The following SLIT3 variants were observed in gnomAD, a reference collection of about 807,000 sequenced individuals.
The protein encoded by SLIT3 is slit homolog 3 protein.
SLIT3 carries 68 observed loss-of-function variants against 184.0 expected under a neutral mutation model. The ratio of observed to expected loss-of-function variants is 0.37; its 90% CI spans 0.30 to 0.45. The LOEUF is 0.45. SLIT3 is among the 20% of genes least tolerant of loss of function. SLIT3 has a pLI of 1.00. For missense variants in SLIT3, 1,707 were observed against 2,026.0 expected (o/e 0.84, Z 3.02); for synonymous variants, 831 against 828.6 (o/e 1.00, Z -0.05).
At chr5:169,034,644 A>C (rs573602406) in intron 4 of SLIT3, among the ~76,000 whole-genome samples, 1 of 152,126 alleles carries the variant, frequency 6.6e-6, no homozygotes, top group Admixed American at 6.5e-5. Context: ...AATCACCTGG[A>C]GTGTTTCTAA....
At chr5:168,805,581 G>A (rs1045182003) in intron 9 of SLIT3, among the ~76,000 whole-genome samples, 4 of 152,130 alleles carry the variant, frequency 2.6e-5, no homozygotes, top group African/African-American at 9.7e-5. Context: ...TGAGATACTG[G>A]CCATTTTCTA....
chr5:169,244,746 G>C lies in SLIT3; in HGVS notation c.300C>G (p.Ile100Met), dbSNP rs1295246785. 3 of 1,613,916 alleles carry C rather than the reference G, an allele frequency of 1.9e-6. No individual in the cohort carries two copies. The South Asian group carries it at 3.3e-5, about 18-fold the overall frequency. The change falls in exon 3 of 36, where the codon ATC (isoleucine) becomes ATG (methionine). Residue 100 changes from isoleucine to methionine, a missense_variant. Coordinates refer to ENST00000519560, the MANE Select transcript of SLIT3 (RefSeq NM_003062.4). ...TCAGGTCCTGGAAGGCGCCTCTCTC[G>C]ATGACGCTGACCTGGTTGTCTTCCA... ...LHLEDNQVSV[I>M]ERGAFQDLKQ...
chr5:168,723,025 G>A (rs1029875997), intron 21 of SLIT3, 21 bp from the exon 22 acceptor site: 1 of 1,600,710 alleles, frequency 6.2e-7, no homozygotes, highest in Non-Finnish European at 8.6e-7. Context: ...TAAAACAGAG[G>A]GGTCATGCTT....
chr5:168,868,104 C>A lies in SLIT3; in HGVS notation c.485+15161G>T, dbSNP rs182581235. Reference sequence around the variant, plus strand: ...AGAGAAAATCCCAAGACTACCAAACCAAACCCCAAAACTCCTTCTCCTCTA... The same window carrying A: ...AGAGAAAATCCCAAGACTACCAAACAAAACCCCAAAACTCCTTCTCCTCTA... On this transcript the variant is annotated intron_variant, in intron 5 of 35. Transcript: ENST00000519560. 6.6e-5 allele frequency among the ~76,000 whole-genome samples: 10 copies of A among 152,254 alleles called. No individual in the cohort carries two copies. The East Asian group carries it at 1.9e-3, about 29-fold the overall frequency.
At chr5:168,947,258 G>A (rs1172145647) in intron 4 of SLIT3, among the ~76,000 whole-genome samples, 3 of 152,292 alleles carry the variant, frequency 2.0e-5, no homozygotes, top group African/African-American at 7.2e-5. Context: ...GCCTCTGCTG[G>A]GGACTTTTCT....
intron 1 of SLIT3, among the ~76,000 whole-genome samples, chr5:169,266,939 G>A (rs1195885859): frequency 3.3e-5 from 5 of 152,104 alleles, no homozygotes; most frequent in Admixed American, 6.6e-5. Flanking sequence ...TTTTAAGAAG[G>A]CCACTTAACT....
chr5:168,933,549 C>CA (rs201923787), intron 4 of SLIT3, among the ~76,000 whole-genome samples: 35 of 147,428 alleles, frequency 2.4e-4, no homozygotes, highest in Middle Eastern at 3.5e-3. Context: ...TCAAAACAAA[C>CA]AAACAAAAAA....
At chr5:168,703,944 CAAAAAAA>C (rs70976498) in intron 26 of SLIT3, among the ~76,000 whole-genome samples, 5 of 46,822 alleles carry the variant, frequency 1.1e-4, no homozygotes, top group Non-Finnish European at 1.5e-4. Flanking sequence ...ACTCTGTCTC[CAAAAAAA>C]AAAAAAAAAA....
At chr5:169,044,494 A>C (rs962364882) in intron 4 of SLIT3, among the ~76,000 whole-genome samples, 1 of 151,668 alleles carries the variant, frequency 6.6e-6, no homozygotes, top group South Asian at 2.1e-4. Flanking sequence ...AAAAGGCCAC[A>C]TACTGCAGGA....
chr5:169,034,958 T>TGTGTGTGTGTG (rs1757181392), intron 4 of SLIT3, among the ~76,000 whole-genome samples: 4 of 145,348 alleles, frequency 2.8e-5, no homozygotes, highest in African/African-American at 1.0e-4. Context: ...TGTGTGTGTG[T>TGTGTGTGTGTG]TTTGGTAGAG....
intron 6 of SLIT3, among the ~76,000 whole-genome samples, chr5:168,824,756 A>G (rs1342344451): frequency 6.6e-6 from 1 of 152,086 alleles, no homozygotes; most frequent in African/African-American, 2.4e-5. Flanking sequence ...CCAGAACCAC[A>G]TCAGACATCC....
chr5:168,955,151 T>C (rs1288479309), intron 4 of SLIT3, among the ~76,000 whole-genome samples: 3 of 152,162 alleles, frequency 2.0e-5, no homozygotes, highest in Non-Finnish European at 2.9e-5. Flanking sequence ...TATTTAATTT[T>C]GATGTACAGA....
At chr5:168,910,753 AAAAAAAG>A (rs1212832168) in intron 4 of SLIT3, among the ~76,000 whole-genome samples, 1 of 151,962 alleles carries the variant, frequency 6.6e-6, no homozygotes, top group Non-Finnish European at 1.5e-5. Flanking sequence ...CTCAAAAAAA[AAAAAAAG>A]AAAAAAGAAG....
At position 168,760,187 on chromosome 5, in the gene SLIT3, G is replaced by A. The variant is rs117844423; in HGVS notation, c.1685+675C>T. On this transcript the variant is annotated intron_variant, in intron 16 of 35. Transcript: ENST00000519560. ...GACTCAGTGAGACAATGGGTGTGACGCAGGGAGCATGGTCCTTAGCTCAGG... is the reference window on the plus strand; with the variant it reads ...GACTCAGTGAGACAATGGGTGTGACACAGGGAGCATGGTCCTTAGCTCAGG... Among the ~76,000 whole-genome samples the A allele has an allele frequency of 4.6e-5, 7 of 152,316 alleles. No individual in the cohort carries two copies. In the South Asian group the frequency reaches 1.0e-3, roughly 23 times the overall value.
intron 1 of SLIT3, among the ~76,000 whole-genome samples, chr5:169,272,061 G>A (rs571524460): frequency 2.6e-5 from 4 of 152,358 alleles, no homozygotes; most frequent in African/African-American, 9.6e-5. Context: ...TTCTCTGCCT[G>A]GGCAGTGCCT....
rs534805776 is a variant in SLIT3 at position 169,300,985 on chromosome 5, C to G, written c.-276G>C. 2 of 169,192 alleles carry G rather than the reference C, an allele frequency of 1.2e-5. No individual in the cohort carries two copies. Among genetic ancestry groups the G allele is most frequent in the South Asian group, 3.8e-4 (2 of 5,314 alleles). The allele number at this position is 169,192 out of a possible 1,614,324, so 10.5% of individuals were successfully genotyped here. ...AGGTGCGGAGCGCCCCCTGGCCCCGCTGGCCCGCGGGCCGGGTTGGGGACC... is the reference window on the plus strand; with the variant it reads ...AGGTGCGGAGCGCCCCCTGGCCCCGGTGGCCCGCGGGCCGGGTTGGGGACC... On this transcript the variant is annotated 5_prime_UTR_variant, in exon 1 of 36. Coordinates refer to ENST00000519560, the MANE Select transcript of SLIT3 (RefSeq NM_003062.4). This position sits in a 1 kb window ranked among gnomAD's most constrained non-coding sequence, Gnocchi z 4.1.
chr5:168,946,353 G>C (rs1379431243), intron 4 of SLIT3, among the ~76,000 whole-genome samples: 1 of 152,196 alleles, frequency 6.6e-6, no homozygotes, highest in African/African-American at 2.4e-5. Flanking sequence ...GAGAGCCTTA[G>C]TATCACCCAC....
chr5:169,289,529 T>C (rs1002132366), intron 1 of SLIT3, among the ~76,000 whole-genome samples: 1 of 152,206 alleles, frequency 6.6e-6, no homozygotes, highest in Non-Finnish European at 1.5e-5. Context: ...ACCCTGGACA[T>C]GATAAAAGAT....
intron 4 of SLIT3, among the ~76,000 whole-genome samples, chr5:169,017,528 C>G (rs1756432507): frequency 6.6e-6 from 1 of 152,220 alleles, no homozygotes. Flanking sequence ...GAGGAACATT[C>G]ATAACACTTA....
Sources: allele counts gnomAD v4.1 joint callset (sites outside exome capture counted in the v4.1 genomes callset), GRCh38; gene constraint gnomAD v4.1.1; non-coding constraint Gnocchi (gnomAD v3.1); transcripts MANE v1.5; gene names NCBI Gene and HGNC (gene_info 2026-07-23, HGNC 2026-07-21).